Variants in FRY observed in about 807,000 individuals in gnomAD.
The protein encoded by FRY is FRY microtubule binding protein.
FRY carries 128 observed loss-of-function variants against 348.4 expected under a neutral mutation model. That is an observed-to-expected ratio of 0.37 (90% confidence interval 0.32 to 0.43). FRY has a LOEUF of 0.43. Ranked by LOEUF, FRY falls within the 20% of genes least tolerant of loss-of-function variation. The probability of loss-of-function intolerance (pLI) is 1.00; values close to 1 mark genes in which losing one functional copy is unlikely to be tolerated. For synonymous variants in FRY, 1,370 were observed against 1,374.7 expected, an observed-to-expected ratio of 1.00 and a Z score of 0.08; for missense variants, 2,736 against 3,695.2, an observed-to-expected ratio of 0.74 and a Z score of 6.73.
chr13:32,294,373 G>T lies in FRY; in HGVS notation c.8586G>T (p.Leu2862=), dbSNP rs765732204. ...AAACATTTTTTTTTAAATAGCTGCTGAATATGTCCAGGGAACTGAGTGACC... is the reference window on the plus strand; with the variant it reads ...AAACATTTTTTTTTAAATAGCTGCTTAATATGTCCAGGGAACTGAGTGACC... ...VHEVSSMPEL[L]NMSRELSDLK... Residue 2862 remains leucine, a synonymous_variant, in exon 60 of 61, where the codon CTG becomes CTT. Transcript: ENST00000542859. 1 of 1,610,644 alleles carries T rather than the reference G, an allele frequency of 6.2e-7. No homozygotes were observed. The highest frequency in any genetic ancestry group is 1.1e-5 in the South Asian group (1 of 90,982).
intron 1 of FRY, among the ~76,000 whole-genome samples, chr13:32,053,857 G>A (rs546280810): frequency 1.3e-5 from 2 of 152,210 alleles, no homozygotes; most frequent in Non-Finnish European, 2.9e-5. Flanking sequence ...GTAAAAGGTT[G>A]TGTGGCTCTG....
intron 17 of FRY, among the ~76,000 whole-genome samples, chr13:32,164,439 A>G (rs1445524328): frequency 6.6e-6 from 1 of 152,132 alleles, no homozygotes; most frequent in Non-Finnish European, 1.5e-5. Flanking sequence ...TGTGTGTCCC[A>G]CACAGCTGCT....
At chr13:32,291,040 C>G (rs9595279) in intron 59 of FRY, among the ~76,000 whole-genome samples, 2 of 151,526 alleles carry the variant, frequency 1.3e-5, no homozygotes, top group Non-Finnish European at 2.9e-5. Context: ...GGTGGTTAGA[C>G]GTGAGGTCAG....
intron 3 of FRY, among the ~76,000 whole-genome samples, chr13:32,116,488 A>G (rs144146190): frequency 1.4e-3 from 212 of 152,294 alleles, no homozygotes; most frequent in African/African-American, 4.6e-3. Flanking sequence ...GTTTCATTAT[A>G]TGAAATTTTA....
rs373212188 is a variant in FRY at position 32,209,620 on chromosome 13, T to C, written c.4311T>C (p.Asn1437=). 142 of 1,613,920 alleles carry C rather than the reference T, an allele frequency of 8.8e-5. 1 individual carries two copies. In the Middle Eastern group the frequency reaches 1.6e-3, roughly 19 times the overall value. Reference sequence around the variant, plus strand: ...AAGTTCCTGGGCCAGAAATGGAAAATGCTTGGAATGCTTTAGCCAACAATG... The same window carrying C: ...AAGTTCCTGGGCCAGAAATGGAAAACGCTTGGAATGCTTTAGCCAACAATG... ...GDEVPGPEME[N]AWNALANNEK... The change falls in exon 33 of 61, where the codon AAT becomes AAC. Residue 1437 remains asparagine, a synonymous_variant. Transcript: ENST00000542859.
Position 32,179,807 on chromosome 13 carries a change from A to T in FRY, c.2996+8A>T, listed in dbSNP as rs1310554362. On this transcript the variant is annotated splice_region_variant and intron_variant, in intron 23 of 60. Coordinates refer to ENST00000542859, the MANE Select transcript of FRY (RefSeq NM_023037.3). ...AAATTCCCTTGTTTTCAGGTACAGT[A>T]GTCTTAATGAGTTGTTCTAAATTCA... is the stretch of plus-strand genomic sequence containing the variant. 6.2e-7 allele frequency: 1 copy of T among 1,612,082 alleles called. No individual in the cohort carries two copies. Among genetic ancestry groups the T allele is most frequent in the Non-Finnish European group, 8.5e-7 (1 of 1,178,164 alleles).
At chr13:32,068,991 C>CT (rs1874440904) in intron 1 of FRY, among the ~76,000 whole-genome samples, 1 of 146,662 alleles carries the variant, frequency 6.8e-6, no homozygotes, top group African/African-American at 2.5e-5. Context: ...TCTCGGCTCA[C>CT]TGCAAGCTCC....
intron 31 of FRY, among the ~76,000 whole-genome samples, chr13:32,207,873 G>C (rs1050016315): frequency 2.0e-5 from 3 of 152,094 alleles, no homozygotes; most frequent in Non-Finnish European, 4.4e-5. Context: ...TGCCACACTG[G>C]ATCATAACAC....
Position 32,119,260 on chromosome 13 carries a change from G to C in FRY, c.464+1787G>C, listed in dbSNP as rs973257991. Among the ~76,000 whole-genome samples the C allele has an allele frequency of 5.3e-5, 8 of 152,108 alleles. No individual in the cohort carries two copies. In the South Asian group the frequency reaches 8.3e-4, roughly 16 times the overall value. On this transcript the variant is annotated intron_variant, in intron 4 of 60. Coordinates refer to ENST00000542859, the MANE Select transcript of FRY (RefSeq NM_023037.3). ...TTTCTGCTACTAGGAAAAAAAGGTT[G>C]GGGGGACTTTAAGGAGGAGCATAAA...
chr13:32,149,741 A>G lies in FRY; in HGVS notation c.1393-7A>G. 2 of 1,542,510 alleles carry G rather than the reference A, an allele frequency of 1.3e-6. No homozygotes were observed. The highest frequency in any genetic ancestry group is 2.2e-5 in the South Asian group (2 of 89,420). On this transcript the variant is annotated splice_polypyrimidine_tract_variant and splice_region_variant and intron_variant, in intron 13 of 60. Coordinates refer to ENST00000542859, the MANE Select transcript of FRY (RefSeq NM_023037.3). ...ACTTTCATTTTGTGTTCTTGTTTTT[A>G]CTACAGGAACGTTTAGATTTTGCAA...
chr13:32,262,515 A>C, intron 53 of FRY, 40 bp downstream of exon 53: 2 of 1,504,308 alleles, frequency 1.3e-6, no homozygotes, highest in Non-Finnish European at 1.8e-6. Context: ...ACTTCCCTTA[A>C]AACCCTTAAA....
intron 28 of FRY, among the ~76,000 whole-genome samples, chr13:32,190,756 A>G (rs528002784): frequency 2.8e-4 from 43 of 152,320 alleles, no homozygotes; most frequent in South Asian, 6.2e-4. Flanking sequence ...GTTCTCCTCC[A>G]GAATGATTTA....
At chr13:32,184,021 G>A (rs1208285098) in intron 24 of FRY, among the ~76,000 whole-genome samples, 3 of 151,022 alleles carry the variant, frequency 2.0e-5, no homozygotes, top group Non-Finnish European at 4.4e-5. Flanking sequence ...TGTAGTCCCA[G>A]CTACTAGAGT....
At chr13:32,192,549 T>G (rs1883408898) in intron 28 of FRY, among the ~76,000 whole-genome samples, 1 of 152,138 alleles carries the variant, frequency 6.6e-6, no homozygotes, top group Admixed American at 6.5e-5. Context: ...TTTTATCTGC[T>G]GCTAATTACT....
intron 14 of FRY, 68 bp downstream of exon 14, chr13:32,149,902 C>T: frequency 2.1e-6 from 2 of 969,364 alleles, no homozygotes; most frequent in Non-Finnish European, 3.4e-6. Context: ...TGCTTTGCGG[C>T]TTTGGAGAAT....
At chr13:32,039,246 C>T (rs1436608187) in intron 1 of FRY, among the ~76,000 whole-genome samples, 2 of 152,158 alleles carry the variant, frequency 1.3e-5, no homozygotes, top group Non-Finnish European at 2.9e-5. Flanking sequence ...GCTATTTACC[C>T]TGGAACACTT....
intron 28 of FRY, among the ~76,000 whole-genome samples, chr13:32,192,968 C>G (rs578035583): frequency 8.0e-4 from 122 of 151,984 alleles, no homozygotes; most frequent in African/African-American, 2.5e-3. Context: ...GTCTCAAACT[C>G]CTGACCTCAA....
At chr13:32,194,354 G>T in intron 29 of FRY, 57 bp downstream of exon 29, 1 of 1,497,938 alleles carries the variant, frequency 6.7e-7, no homozygotes. Flanking sequence ...TACTTTTTGT[G>T]ATATGAATGA....
Position 32,052,988 on chromosome 13 carries a change from G to A in FRY, c.70+21123G>A, listed in dbSNP as rs112409017. Among the ~76,000 whole-genome samples the A allele has an allele frequency of 8.8e-3, 1,336 of 152,010 alleles. 15 individuals carry two copies. The highest frequency in any genetic ancestry group is 0.031 in the African/African-American group (1,275 of 41,470). On this transcript the variant is annotated intron_variant, in intron 1 of 60. Coordinates refer to ENST00000542859, the MANE Select transcript of FRY (RefSeq NM_023037.3). The stretch of plus-strand genomic sequence containing the variant: ...AATTAGCCAGTGTGGTGGTGTGGGC[G>A]TGGAGTCCTATCTACTCGGGAGGCT...
Sources: gnomAD v4.1 joint callset for allele counts (sites outside exome capture counted in the v4.1 genomes callset) on GRCh38, gnomAD v4.1.1 for gene constraint, MANE v1.5 for transcripts, NCBI Gene and HGNC (gene_info 2026-07-23, HGNC 2026-07-21) for gene names.